The following TMEM230 variants were observed in gnomAD, a reference collection of about 807,000 sequenced individuals.
TMEM230 encodes UPF0414 transmembrane protein C20orf30.
In TMEM230, 10 loss-of-function variants were observed where a neutral mutation model predicts 15.8. That is an observed-to-expected ratio of 0.63 (90% CI 0.39 to 1.07). The LOEUF is 1.07. Among genes scored for constraint, TMEM230 ranks in the 50% least tolerant of loss-of-function variants. The pLI, the probability that TMEM230 is intolerant of heterozygous loss-of-function variation, is 0.01. For synonymous variants in TMEM230, 67 were observed against 76.9 expected (o/e 0.87, Z 0.68); for missense variants, 165 against 193.3 (o/e 0.85, Z 0.87).
chr20:5,086,687 CAAT>C (rs1230740356), intron 3 of TMEM230, among the ~76,000 whole-genome samples: 1 of 146,408 alleles, frequency 6.8e-6, no homozygotes, highest in African/African-American at 2.5e-5. Flanking sequence ...TTTAAATAAA[CAAT>C]TATTTATCTT....
chr20:5,096,710 G>A (rs997572080), downstream of TMEM230, among the ~76,000 whole-genome samples: 2 of 152,182 alleles, frequency 1.3e-5, no homozygotes, highest in African/African-American at 4.8e-5. Context: ...TGGCCTGCTA[G>A]GCAGCTGGTG....
At chr20:5,061,433 A>G in the TMEM230 span, 4 of 152,154 alleles carry the variant, frequency 2.6e-5, no homozygotes, top group African/African-American at 7.2e-5. Flanking sequence ...ACCCACCCCA[A>G]ACTCCCTGAG....
chr20:5,070,668 A>C (rs1305596759), intron 3 of TMEM230, among the ~76,000 whole-genome samples: 2 of 152,270 alleles, frequency 1.3e-5, no homozygotes, highest in East Asian at 3.8e-4. Flanking sequence ...AAGTGAAAGC[A>C]GTATTTAATT....
intron 3 of TMEM230, among the ~76,000 whole-genome samples, chr20:5,091,735 C>CTACT (rs2089512725): frequency 6.6e-6 from 1 of 151,914 alleles, no homozygotes; most frequent in East Asian, 1.9e-4. Flanking sequence ...TGATACCTAC[C>CTACT]AAAGCTATGT....
chr20:5,112,805 C>A, intron 1 of TMEM230, 156 bp downstream of exon 1: 1 of 1,506,326 alleles, frequency 6.6e-7, no homozygotes, highest in South Asian at 1.2e-5. Context: ...GTAAAACAAA[C>A]AAAACGGGCT....
chr20:5,065,564 G>C (rs2088644053), downstream of TMEM230, among the ~76,000 whole-genome samples: 2 of 152,146 alleles, frequency 1.3e-5, no homozygotes, highest in Admixed American at 6.6e-5. Context: ...TATTTTCCTG[G>C]CTTGCAGGAA....
chr20:5,093,333 C>T (rs759364507), intron 3 of TMEM230, among the ~76,000 whole-genome samples: 2 of 151,942 alleles, frequency 1.3e-5, no homozygotes, highest in African/African-American at 2.4e-5. Flanking sequence ...CTGCAACCTC[C>T]ACCTCCTGGG....
chr20:5,111,143 C>G (rs927414885), intron 2 of TMEM230: 1 of 150,636 alleles, frequency 6.6e-6, no homozygotes, highest in East Asian at 1.9e-4. Flanking sequence ...GACTGCACCA[C>G]TGCACTCCAG....
intron 4 of TMEM230, among the ~76,000 whole-genome samples, chr20:5,101,767 G>T (rs1241269727): frequency 6.6e-6 from 1 of 152,056 alleles, no homozygotes; most frequent in African/African-American, 2.4e-5. Flanking sequence ...AGTCAGAATT[G>T]GTTCAAGACA....
intron 3 of TMEM230, among the ~76,000 whole-genome samples, chr20:5,069,823 C>T (rs1167658614): frequency 6.6e-6 from 1 of 152,154 alleles, no homozygotes; most frequent in African/African-American, 2.4e-5. Context: ...GATTCTTGTG[C>T]CTCAGCCACC....
chr20:5,111,761 T>C, intron 1 of TMEM230: 1 of 980,582 alleles, frequency 1.0e-6, no homozygotes, highest in Non-Finnish European at 1.2e-6. Flanking sequence ...GGTTAGTACT[T>C]ACCTAGTCTT....
At chr20:5,101,810 G>A (rs2089878280) in intron 4 of TMEM230, among the ~76,000 whole-genome samples, 1 of 152,220 alleles carries the variant, frequency 6.6e-6, no homozygotes, top group Non-Finnish European at 1.5e-5. Flanking sequence ...GACAGCCCAT[G>A]AGAAAGAACC....
intron 3 of TMEM230, among the ~76,000 whole-genome samples, chr20:5,108,808 T>C (rs1169768448): frequency 6.6e-6 from 1 of 152,202 alleles, no homozygotes; most frequent in African/African-American, 2.4e-5. Context: ...ACTTAATAAA[T>C]ACTGTGTTTT....
At chr20:5,096,073 G>A (rs115899448), downstream of TMEM230, among the ~76,000 whole-genome samples, 2,709 of 152,330 alleles carry the variant, frequency 0.018, 77 homozygotes, top group African/African-American at 0.061. Flanking sequence ...GTCAGCAGCT[G>A]TCAGGGAGAG....
chr20:5,079,551 A>T (rs927781571), intron 3 of TMEM230, among the ~76,000 whole-genome samples: 1 of 152,102 alleles, frequency 6.6e-6, no homozygotes, highest in African/African-American at 2.4e-5. Flanking sequence ...GCAATGGCAC[A>T]ATCATAGATC....
At chr20:5,098,801 AT>A (rs1455989482), downstream of TMEM230, among the ~76,000 whole-genome samples, 2 of 151,702 alleles carry the variant, frequency 1.3e-5, no homozygotes, top group African/African-American at 4.9e-5. Context: ...ACAAAATAGA[AT>A]TGGGGGGGGG....
chr20:5,073,411 C>T (rs889638764), intron 3 of TMEM230, among the ~76,000 whole-genome samples: 2 of 152,204 alleles, frequency 1.3e-5, no homozygotes, highest in Non-Finnish European at 2.9e-5. Context: ...TTTGGTGGCT[C>T]ACACTGAGGG....
At chr20:5,106,402 GTTTT>G in intron 3 of TMEM230, 92 bp from the exon 3 acceptor site, 1 of 1,419,696 alleles carries the variant, frequency 7.0e-7, no homozygotes, top group Non-Finnish European at 9.4e-7. Flanking sequence ...TAATTTTTAT[GTTTT>G]TGTTTGTTTG....
chr20:5,099,701 G>A (rs1404645203), downstream of TMEM230: 1 of 274,644 alleles, frequency 3.6e-6, no homozygotes, highest in African/African-American at 2.4e-5. Flanking sequence ...CTCAGCTGAT[G>A]GCATGTCCAG....
Sources: allele counts gnomAD v4.1 joint callset (sites outside exome capture counted in the v4.1 genomes callset), GRCh38; gene constraint gnomAD v4.1.1; transcripts MANE v1.5; gene names NCBI Gene and HGNC (gene_info 2026-07-23, HGNC 2026-07-21).